The following DPYD variants were observed in gnomAD, a reference collection of about 807,000 sequenced individuals.
The protein encoded by DPYD is dihydropyrimidine dehydrogenase [NADP(+)].
A neutral mutation model predicts 116.2 loss-of-function variants in DPYD; 109 were observed. The observed-to-expected ratio is 0.94, with a 90% CI of 0.80 to 1.10. The LOEUF (loss-of-function observed/expected upper bound fraction) is 1.10, where lower values mean the gene tolerates loss of function less well. Among genes scored for constraint, DPYD ranks in the 50% least tolerant of loss-of-function variants. DPYD has a pLI of 0.00. For synonymous variants in DPYD, 440 were observed against 432.0 expected, an observed-to-expected ratio of 1.02 and a Z score of -0.23; for missense variants, 1,302 against 1,254.5, an observed-to-expected ratio of 1.04 and a Z score of -0.57.
intron 4 of DPYD, among the ~76,000 whole-genome samples, chr1:97,726,087 C>T (rs939256028): frequency 3.3e-5 from 5 of 151,412 alleles, no homozygotes; most frequent in African/African-American, 7.3e-5. Context: ...AGATTATATA[C>T]AAAACTAGGC....
At chr1:97,579,994 G>A (rs1653530060) in intron 10 of DPYD, among the ~76,000 whole-genome samples, 1 of 152,148 alleles carries the variant, frequency 6.6e-6, no homozygotes, top group African/African-American at 2.4e-5. Flanking sequence ...TCATTTTAAT[G>A]ATTAACTTTA....
intron 8 of DPYD, among the ~76,000 whole-genome samples, chr1:97,628,843 T>A (rs1018089114): frequency 6.6e-6 from 1 of 152,082 alleles, no homozygotes; most frequent in Admixed American, 6.6e-5. Flanking sequence ...TGTATGACCA[T>A]GCTGTTTTAT....
intron 3 of DPYD, among the ~76,000 whole-genome samples, chr1:97,784,453 C>CT (rs1179329167): frequency 6.6e-6 from 1 of 152,032 alleles, no homozygotes; most frequent in African/African-American, 2.4e-5. Context: ...ACTTAAGTCT[C>CT]TAAGTGTTTT....
chr1:97,681,602 TAGTA>T (rs1412906967), intron 7 of DPYD, among the ~76,000 whole-genome samples: 1 of 152,156 alleles, frequency 6.6e-6, no homozygotes, highest in African/African-American at 2.4e-5. Flanking sequence ...AAGCATTTTA[TAGTA>T]AGTAATAGTA....
chr1:97,212,173 G>A (rs1003864839), intron 19 of DPYD, among the ~76,000 whole-genome samples: 6 of 152,110 alleles, frequency 3.9e-5, no homozygotes, highest in East Asian at 1.9e-4. Flanking sequence ...CTGGTTTTAC[G>A]ATATTCCAAT....
At chr1:97,743,698 C>T (rs563759629) in intron 3 of DPYD, among the ~76,000 whole-genome samples, 5 of 151,998 alleles carry the variant, frequency 3.3e-5, no homozygotes, top group Admixed American at 6.6e-5. Context: ...TGATTGATAC[C>T]ATGAAAAATC....
At chr1:97,690,749 A>C (rs1345648391) in intron 7 of DPYD, among the ~76,000 whole-genome samples, 3 of 152,074 alleles carry the variant, frequency 2.0e-5, no homozygotes, top group African/African-American at 4.8e-5. Context: ...TTTGAACATT[A>C]AGTTTTATAA....
At chr1:97,597,154 C>A (rs1329523467) in intron 8 of DPYD, among the ~76,000 whole-genome samples, 2 of 152,184 alleles carry the variant, frequency 1.3e-5, no homozygotes, top group African/African-American at 4.8e-5. Context: ...TAAAAGAAGA[C>A]TGAAGTTAGG....
At chr1:97,178,451 T>C (rs1657438529) in intron 20 of DPYD, among the ~76,000 whole-genome samples, 1 of 152,134 alleles carries the variant, frequency 6.6e-6, no homozygotes, top group South Asian at 2.1e-4. Flanking sequence ...ATACCTTACA[T>C]GGTGGCAGGC....
intron 11 of DPYD, among the ~76,000 whole-genome samples, chr1:97,561,295 T>C (rs1245154810): frequency 6.6e-6 from 1 of 152,170 alleles, no homozygotes; most frequent in Non-Finnish European, 1.5e-5. Context: ...CTGGCCTTCA[T>C]GACACCTCAC....
chr1:97,160,680 G>T (rs1655826739), intron 20 of DPYD, among the ~76,000 whole-genome samples: 1 of 152,032 alleles, frequency 6.6e-6, no homozygotes, highest in Non-Finnish European at 1.5e-5. Flanking sequence ...AAGAGAACAG[G>T]ACAGCCTTAC....
intron 3 of DPYD, among the ~76,000 whole-genome samples, chr1:97,743,494 C>T (rs917878160): frequency 7.2e-5 from 11 of 152,072 alleles, no homozygotes; most frequent in African/African-American, 2.4e-4. Context: ...GGGGGTTGAT[C>T]ATCAAGTGAC....
intron 2 of DPYD, among the ~76,000 whole-genome samples, chr1:97,832,773 T>C (rs978111088): frequency 8.5e-5 from 13 of 152,182 alleles, no homozygotes; most frequent in African/African-American, 2.9e-4. Context: ...ATAGATTTCA[T>C]AGTGTTTTAT....
chr1:97,249,720 T>C (rs1448252391), intron 18 of DPYD, among the ~76,000 whole-genome samples: 3 of 151,908 alleles, frequency 2.0e-5, no homozygotes, highest in African/African-American at 4.8e-5. Flanking sequence ...ATATGTAAAA[T>C]ACATGAAGAA....
intron 19 of DPYD, among the ~76,000 whole-genome samples, chr1:97,229,247 G>GT (rs1661418572): frequency 7.8e-6 from 1 of 127,504 alleles, no homozygotes; most frequent in African/African-American, 2.9e-5. Flanking sequence ...TTGATGGGAA[G>GT]TAAAAAAAAA....
intron 3 of DPYD, among the ~76,000 whole-genome samples, chr1:97,773,064 T>A (rs774147867): frequency 6.6e-6 from 1 of 152,182 alleles, no homozygotes; most frequent in Non-Finnish European, 1.5e-5. Context: ...TTCAGAGCCC[T>A]ATGGAAGAAG....
chr1:97,225,909 C>T (rs1661123251), intron 19 of DPYD, among the ~76,000 whole-genome samples: 2 of 151,888 alleles, frequency 1.3e-5, no homozygotes. Flanking sequence ...CAGTATTACG[C>T]TGAAGCCAAA....
At chr1:97,528,137 T>C (rs1054028951) in intron 12 of DPYD, among the ~76,000 whole-genome samples, 2 of 152,184 alleles carry the variant, frequency 1.3e-5, no homozygotes, top group East Asian at 3.8e-4. Context: ...TGAAGAAATA[T>C]CTATTGAGGG....
At chr1:97,701,671 C>G (rs775641331) in intron 5 of DPYD, among the ~76,000 whole-genome samples, 1 of 151,812 alleles carries the variant, frequency 6.6e-6, no homozygotes, top group Non-Finnish European at 1.5e-5. Context: ...AGTCAAAACA[C>G]ATAAGGAACA....
Sources: gnomAD v4.1 joint callset for allele counts (sites outside exome capture counted in the v4.1 genomes callset) on GRCh38, gnomAD v4.1.1 for gene constraint, MANE v1.5 for transcripts, NCBI Gene and HGNC (gene_info 2026-07-23, HGNC 2026-07-21) for gene names.